Variants in MADD observed in about 807,000 individuals in gnomAD.
MADD encodes the protein MAP kinase activating death domain, also known as MAP kinase-activating death domain protein.
In MADD, 109 loss-of-function variants were observed where a neutral mutation model predicts 176.7. The ratio of observed to expected loss-of-function variants is 0.62; its 90% CI spans 0.53 to 0.72. The LOEUF is 0.72. Ranked by LOEUF, MADD falls within the 30% of genes least tolerant of loss-of-function variation. MADD has a pLI of 0.00. For missense variants in MADD, 1,914 were observed against 2,045.5 expected (o/e 0.94, Z 1.24); for synonymous variants, 771 against 771.3 (o/e 1.00, Z 0.01).
Position 47,329,228 on chromosome 11 carries a change from G to A in MADD, c.*78G>A, listed in dbSNP as rs185993173. ...CTGTTCCCAAGTGCACGATGCTGCTGTGACTGAGGAGTGGATGATGCTCGT... is the reference window on the plus strand; with the variant it reads ...CTGTTCCCAAGTGCACGATGCTGCTATGACTGAGGAGTGGATGATGCTCGT... On this transcript the variant is annotated 3_prime_UTR_variant, in exon 33 of 33. Coordinates refer to ENST00000402192, the Ensembl canonical transcript of MADD. The A allele has an allele frequency of 3.8e-3, 4,093 of 1,087,816 alleles. 33 individuals carry two copies. The highest frequency in any genetic ancestry group is 3.0e-3 in the Non-Finnish European group (2,124 of 706,638). The allele number at this position is 1,087,816 out of a possible 1,614,324, so 67.4% of individuals were successfully genotyped here. A position where few individuals can be genotyped will look rare whatever the true frequency, so the allele number is the denominator to read the frequency against.
chr11:47,279,330 CT>C, intron 7 of MADD, among the ~76,000 whole-genome samples: 1 of 149,770 alleles, frequency 6.7e-6, no homozygotes, highest in Non-Finnish European at 1.5e-5. Flanking sequence ...CCTTCACTCT[CT>C]GTTTCTTGTA....
At chr11:47,285,387 T>C in intron 13 of MADD, 64 bp from the exon 14 acceptor site, 2 of 1,605,412 alleles carry the variant, frequency 1.2e-6, no homozygotes, top group South Asian at 1.1e-5. Flanking sequence ...AGCATAATTA[T>C]GGCCCATACT....
exon 8 of MADD, chr11:47,281,618 T>A (rs566658351): frequency 1.9e-6 from 3 of 1,613,250 alleles, no homozygotes; most frequent in Non-Finnish European, 2.5e-6. Flanking sequence ...ATCCTCAATC[T>A]GGAGAAATTT....
intron 27 of MADD, among the ~76,000 whole-genome samples, chr11:47,321,521 A>G (rs1043312777): frequency 6.6e-6 from 1 of 152,206 alleles, no homozygotes; most frequent in African/African-American, 2.4e-5. Flanking sequence ...TGCCCTTAGC[A>G]TTGACAAGCT....
exon 33 of MADD, chr11:47,329,347 A>C: frequency 1.7e-6 from 1 of 582,230 alleles, no homozygotes. Context: ...CTCCCTCTCC[A>C]CTCCCAGAAG....
intron 1 of MADD, chr11:47,270,890 A>G: frequency 6.6e-6 from 1 of 152,072 alleles, no homozygotes; most frequent in Non-Finnish European, 1.5e-5. Context: ...CTGCCTGGGG[A>G]GGTAGAGGAG....
chr11:47,283,158 A>G (rs148120524), intron 10 of MADD, among the ~76,000 whole-genome samples, 189 bp downstream of exon 10: 11,723 of 152,252 alleles, frequency 0.077, 525 homozygotes, highest in South Asian at 0.11. Flanking sequence ...CAGTGACGCA[A>G]TCTCGGCTCA....
At chr11:47,270,636 A>G (rs1375606886) in intron 1 of MADD, 1 of 152,086 alleles carries the variant, frequency 6.6e-6, no homozygotes, top group Non-Finnish European at 1.5e-5. Context: ...TTTTGGCTAG[A>G]ATTTGGAGAA....
chr11:47,328,675 G>T (rs746346891), exon 32 of MADD: 2 of 1,614,238 alleles, frequency 1.2e-6, no homozygotes, highest in South Asian at 2.2e-5. Context: ...AATTAAAGAA[G>T]TGGTGAGCCA....
chr11:47,327,019 G>A, intron 31 of MADD: 1 of 1,321,608 alleles, frequency 7.6e-7, no homozygotes, highest in South Asian at 2.0e-5. Flanking sequence ...AGCAAATGGG[G>A]CCTCAGGTGG....
At chr11:47,292,593 C>T in intron 19 of MADD, 1 of 1,613,982 alleles carries the variant, frequency 6.2e-7, no homozygotes, top group Non-Finnish European at 8.5e-7. Context: ...TTTGGAAAAA[C>T]AGAGTAAGGA....
At chr11:47,328,977 G>GGCAGA in intron 32 of MADD, 69 bp from the exon 37 acceptor site, 1 of 1,337,548 alleles carries the variant, frequency 7.5e-7, no homozygotes, top group Non-Finnish European at 1.1e-6. Context: ...GTTGCCCATT[G>GGCAGA]GCAGATCCTT....
At chr11:47,293,855 G>A (rs768011624) in intron 19 of MADD, 28 bp from the exon 22 acceptor site, 27 of 1,450,152 alleles carry the variant, frequency 1.9e-5, no homozygotes, top group East Asian at 4.5e-5. Flanking sequence ...CTTTGTGCAC[G>A]GAGTAACAGA....
chr11:47,286,296 C>T, intron 14 of MADD, 137 bp from the exon 15 acceptor site: 1 of 689,584 alleles, frequency 1.5e-6, no homozygotes, highest in Non-Finnish European at 2.6e-6. Flanking sequence ...CTTTCTAAGA[C>T]AGATCAGAGA....
chr11:47,308,134 T>C, intron 22 of MADD, among the ~76,000 whole-genome samples: 1 of 152,362 alleles, frequency 6.6e-6, no homozygotes, highest in Middle Eastern at 3.4e-3. Flanking sequence ...CAAATTTAAT[T>C]CTTGTAAAGT....
At chr11:47,304,790 G>A (rs2081263931) in intron 22 of MADD, among the ~76,000 whole-genome samples, 1 of 151,972 alleles carries the variant, frequency 6.6e-6, no homozygotes, top group Admixed American at 6.6e-5. Context: ...TTCCTGTGGT[G>A]GAGTCATATG....
At chr11:47,328,753 G>A (rs1295187101) in intron 32 of MADD, 49 bp downstream of exon 36, 1 of 1,612,234 alleles carries the variant, frequency 6.2e-7, no homozygotes, top group Non-Finnish European at 8.5e-7. Context: ...AGGGCTCCCT[G>A]GGGGACCTTC....
chr11:47,320,695 G>T (rs1404481333), intron 27 of MADD, among the ~76,000 whole-genome samples: 1 of 152,016 alleles, frequency 6.6e-6, no homozygotes, highest in Non-Finnish European at 1.5e-5. Context: ...GCTGAGGTGG[G>T]AGGTTCGCTT....
chr11:47,328,915 T>C (rs2095773827), intron 32 of MADD, 131 bp from the exon 37 acceptor site: 4 of 987,140 alleles, frequency 4.1e-6, no homozygotes, highest in Non-Finnish European at 6.3e-6. Flanking sequence ...ACAGCTTCCT[T>C]GCTTGGAGCT....
Sources: gnomAD v4.1 joint callset for allele counts (sites outside exome capture counted in the v4.1 genomes callset) on GRCh38, gnomAD v4.1.1 for gene constraint, MANE v1.5 for transcripts, NCBI Gene and HGNC (gene_info 2026-07-23, HGNC 2026-07-21) for gene names.